The following SCMH1 variants were observed in gnomAD, a reference collection of about 807,000 sequenced individuals.
SCMH1 encodes the protein Scm polycomb group protein homolog 1.
In SCMH1, 37 loss-of-function variants were observed where a neutral mutation model predicts 70.8. The observed-to-expected ratio is 0.52, with a 90% CI of 0.40 to 0.69. The LOEUF is 0.69. Ranked by LOEUF, SCMH1 falls within the 30% of genes least tolerant of loss-of-function variation. SCMH1 has a pLI of 0.00. For synonymous variants in SCMH1, 292 were observed against 307.4 expected, an observed-to-expected ratio of 0.95 and a Z score of 0.52; for missense variants, 607 against 827.3, an observed-to-expected ratio of 0.73 and a Z score of 3.27.
intron 8 of SCMH1, among the ~76,000 whole-genome samples, chr1:41,105,298 T>C (rs926233650): frequency 1.3e-5 from 2 of 152,116 alleles, no homozygotes; most frequent in Admixed American, 6.6e-5. Flanking sequence ...AAATTTGTCA[T>C]AGATGCGAGT....
chr1:41,127,012 T>G (rs1466747018), intron 6 of SCMH1, among the ~76,000 whole-genome samples: 1 of 152,190 alleles, frequency 6.6e-6, no homozygotes, highest in Non-Finnish European at 1.5e-5. Flanking sequence ...AGAACGCTTA[T>G]TTCCCCACAG....
At chr1:41,114,414 A>C (rs1669947293) in intron 7 of SCMH1, among the ~76,000 whole-genome samples, 1 of 152,156 alleles carries the variant, frequency 6.6e-6, no homozygotes, top group Non-Finnish European at 1.5e-5. Flanking sequence ...AGTCTTATTA[A>C]ATGGATATCT....
intron 10 of SCMH1, among the ~76,000 whole-genome samples, 176 bp from the exon 11 acceptor site, chr1:41,049,066 C>A (rs1647171389): frequency 6.6e-6 from 1 of 152,164 alleles, no homozygotes; most frequent in Admixed American, 6.5e-5. Flanking sequence ...AAAGGCTGTG[C>A]CCAGCTACTG....
intron 8 of SCMH1, among the ~76,000 whole-genome samples, chr1:41,082,821 T>G (rs1035225310): frequency 6.6e-6 from 1 of 152,150 alleles, no homozygotes; most frequent in Non-Finnish European, 1.5e-5. Flanking sequence ...TGGTTCAATA[T>G]ACACAAATCA....
exon 14 of SCMH1, chr1:41,028,723 G>C (rs146565042): frequency 6.2e-7 from 1 of 1,613,898 alleles, no homozygotes. Context: ...GTATCGGTCC[G>C]ACCCTGCAGG....
At chr1:41,186,039 T>C (rs1650115591) in intron 2 of SCMH1, 82 bp downstream of exon 2, 2 of 1,461,780 alleles carry the variant, frequency 1.4e-6, no homozygotes, top group Admixed American at 2.0e-5. Flanking sequence ...AGTCTAATTA[T>C]TCGTGAGGAA....
chr1:41,194,990 G>C (rs181668225), intron 1 of SCMH1, among the ~76,000 whole-genome samples: 1 of 151,948 alleles, frequency 6.6e-6, no homozygotes, highest in East Asian at 1.9e-4. Flanking sequence ...AATTAGCTGC[G>C]CTTGGTGGCA....
At chr1:41,153,138 A>T (rs1381655659) in intron 4 of SCMH1, among the ~76,000 whole-genome samples, 1 of 152,242 alleles carries the variant, frequency 6.6e-6, no homozygotes. Context: ...TACAAATGAA[A>T]GATTAAATCA....
chr1:41,041,768 G>T (rs908324657), intron 12 of SCMH1, among the ~76,000 whole-genome samples: 2 of 152,162 alleles, frequency 1.3e-5, no homozygotes, highest in Non-Finnish European at 2.9e-5. Flanking sequence ...ACAAGACCAG[G>T]ATGACAACTG....
intron 8 of SCMH1, among the ~76,000 whole-genome samples, chr1:41,095,206 A>C (rs1451222462): frequency 1.3e-5 from 2 of 152,208 alleles, no homozygotes; most frequent in African/African-American, 4.8e-5. Flanking sequence ...TGAGTGAATA[A>C]ATGTAACCCA....
At chr1:41,238,692 C>T (rs1312353055) in intron 1 of SCMH1, among the ~76,000 whole-genome samples, 2 of 152,230 alleles carry the variant, frequency 1.3e-5, no homozygotes, top group Non-Finnish European at 2.9e-5. Flanking sequence ...TACTGACCTT[C>T]GCCTCTGCTG....
At chr1:41,178,442 G>A (rs1249541491) in intron 2 of SCMH1, among the ~76,000 whole-genome samples, 6 of 152,084 alleles carry the variant, frequency 3.9e-5, no homozygotes, top group African/African-American at 1.4e-4. Context: ...ACACAGACTG[G>A]CAAATTGGAT....
chr1:41,148,719 G>A (rs1456046423), intron 5 of SCMH1, among the ~76,000 whole-genome samples: 2 of 152,046 alleles, frequency 1.3e-5, no homozygotes, highest in African/African-American at 4.8e-5. Context: ...ATATGCCTCT[G>A]AGTAGTTTTC....
chr1:41,218,364 C>G (rs1658539857), intron 1 of SCMH1, among the ~76,000 whole-genome samples: 1 of 152,060 alleles, frequency 6.6e-6, no homozygotes, highest in Admixed American at 6.6e-5. Context: ...AGGCCATGAT[C>G]CAATGTGATG....
rs151141721 is a variant in SCMH1 at position 41,113,343 on chromosome 1, T to C, written c.685A>G (p.Ile229Val). 1.5e-5 allele frequency: 25 copies of C among 1,613,860 alleles called. No individual in the cohort carries two copies. Among genetic ancestry groups the C allele is most frequent in the Non-Finnish European group, 2.1e-5 (25 of 1,179,962 alleles). Residue 229 changes from isoleucine (I) to valine (V), a missense_variant, in exon 8 of 15, where the codon ATC (isoleucine) becomes GTC (valine). Ile to Val is a conservative substitution (Grantham distance 29). Coordinates refer to ENST00000337495, the Ensembl canonical transcript of SCMH1. The surrounding 1 kb of genome is among the most constrained non-coding windows in gnomAD (Gnocchi z 4.3). ...AAGGAACACCAGCCCACAGGGAAGA[T>C]GTCTCGGGAGTCGAAGCGGCACCAG...
chr1:41,031,240 T>C (rs1265523435), intron 13 of SCMH1, among the ~76,000 whole-genome samples: 1 of 152,140 alleles, frequency 6.6e-6, no homozygotes, highest in Non-Finnish European at 1.5e-5. Context: ...CAGTGAGCTA[T>C]GATCATACCA....
intron 1 of SCMH1, among the ~76,000 whole-genome samples, chr1:41,238,746 C>T (rs1034743792): frequency 9.9e-5 from 15 of 152,248 alleles, no homozygotes; most frequent in Non-Finnish European, 1.5e-5. Context: ...TCACCTAGAA[C>T]AGTCCCAATA....
intron 5 of SCMH1, among the ~76,000 whole-genome samples, chr1:41,150,936 C>CAAAAAAAAAAA (rs71062579): frequency 1.3e-5 from 1 of 76,512 alleles, no homozygotes; most frequent in African/African-American, 5.1e-5. Flanking sequence ...GACACCATCT[C>CAAAAAAAAAAA]AAAAAAAAAA....
chr1:41,140,500 C>T (rs1274672706), intron 6 of SCMH1, among the ~76,000 whole-genome samples: 1 of 152,060 alleles, frequency 6.6e-6, no homozygotes, highest in Admixed American at 6.5e-5. Context: ...ACCATGTTGG[C>T]CAGAATGATC....
Sources: gnomAD v4.1 joint callset for allele counts (sites outside exome capture counted in the v4.1 genomes callset) on GRCh38, gnomAD v4.1.1 for gene constraint, Gnocchi (gnomAD v3.1) non-coding constraint, MANE v1.5 for transcripts, NCBI Gene and HGNC (gene_info 2026-07-23, HGNC 2026-07-21) for gene names.